CNTLN: variants seen among roughly 807,000 people sequenced by gnomAD.
CNTLN encodes centlein.
CNTLN carries 212 observed loss-of-function variants against 180.0 expected under a neutral mutation model. The observed-to-expected ratio is 1.18, with a 90% CI of 1.05 to 1.32. The LOEUF (loss-of-function observed/expected upper bound fraction) is 1.32. CNTLN is among the 40% of genes most tolerant of loss of function. CNTLN has a pLI of 0.00. For missense variants in CNTLN, 2,095 were observed against 1,610.9 expected (o/e 1.30, Z -5.14); for synonymous variants, 722 against 563.1 (o/e 1.28, Z -3.99).
At position 17,135,344 on chromosome 9, in the gene CNTLN, G is replaced by T. The variant is rs1255117941; in HGVS notation, c.279G>T (p.Ser93=). The change falls in exon 1 of 26, where the codon TCG becomes TCT. Residue 93 remains serine (S), a synonymous_variant. Transcript: ENST00000380647. ...GGTCCAGACGGCTAGAGGGCATCTCGGTAGAGGAGGCGATGGTGACCCGGA... is the reference window on the plus strand; with the variant it reads ...GGTCCAGACGGCTAGAGGGCATCTCTGTAGAGGAGGCGATGGTGACCCGGA... ...PMGSRRLEGI[S]VEEAMVTRTQ... 6 of 1,601,482 alleles carry T rather than the reference G, an allele frequency of 3.7e-6. No homozygotes were observed. The highest frequency in any genetic ancestry group is 4.3e-6 in the Non-Finnish European group (5 of 1,174,920).
intron 12 of CNTLN, among the ~76,000 whole-genome samples, chr9:17,354,576 C>A (rs1029014844): frequency 6.6e-6 from 1 of 152,122 alleles, no homozygotes; most frequent in African/African-American, 2.4e-5. Context: ...TCTGGTGGGG[C>A]CTTGGAGAAC....
At chr9:17,509,057 G>C in the CNTLN span, among the ~76,000 whole-genome samples, 1 of 152,232 alleles carries the variant, frequency 6.6e-6, no homozygotes, top group Non-Finnish European at 1.5e-5. Flanking sequence ...ATGCACGTCA[G>C]CTTCTTTCTC....
At chr9:17,223,255 A>T (rs1400571055) in intron 2 of CNTLN, among the ~76,000 whole-genome samples, 3 of 152,034 alleles carry the variant, frequency 2.0e-5, no homozygotes, top group African/African-American at 7.2e-5. Context: ...TTTGGATCAC[A>T]GTTGGCTGCT....
At chr9:17,270,020 T>C (rs867395519) in intron 5 of CNTLN, among the ~76,000 whole-genome samples, 1 of 152,186 alleles carries the variant, frequency 6.6e-6, no homozygotes, top group South Asian at 2.1e-4. Context: ...CTTGCTCAAC[T>C]CTAGCTCTAA....
At chr9:17,170,341 A>G (rs927022499) in intron 2 of CNTLN, among the ~76,000 whole-genome samples, 1 of 152,056 alleles carries the variant, frequency 6.6e-6, no homozygotes, top group African/African-American at 2.4e-5. Context: ...AGACAGTGGC[A>G]GTTTTACTTC....
At chr9:17,454,902 G>C (rs916142486) in intron 18 of CNTLN, among the ~76,000 whole-genome samples, 1 of 152,180 alleles carries the variant, frequency 6.6e-6, no homozygotes, top group African/African-American at 2.4e-5. Context: ...TTTGCTTGAA[G>C]ATGGAAAGGT....
At chr9:17,506,836 C>T (rs1160821854), downstream of CNTLN, among the ~76,000 whole-genome samples, 1 of 152,018 alleles carries the variant, frequency 6.6e-6, no homozygotes, top group Non-Finnish European at 1.5e-5. Context: ...TTTTTTTCCT[C>T]TTAAAAAATT....
intron 8 of CNTLN, among the ~76,000 whole-genome samples, chr9:17,318,527 T>C (rs1819688387): frequency 6.6e-6 from 1 of 152,192 alleles, no homozygotes; most frequent in South Asian, 2.1e-4. Context: ...AACTTTGATA[T>C]TGACTTATAT....
At chr9:17,181,163 A>T (rs1175887218) in intron 2 of CNTLN, among the ~76,000 whole-genome samples, 1 of 152,078 alleles carries the variant, frequency 6.6e-6, no homozygotes, top group Non-Finnish European at 1.5e-5. Context: ...TCTTCTACCT[A>T]GGCTCAGGTG....
intron 3 of CNTLN, among the ~76,000 whole-genome samples, chr9:17,232,837 G>A (rs773357802): frequency 3.3e-5 from 5 of 151,960 alleles, no homozygotes; most frequent in Non-Finnish European, 2.9e-5. Flanking sequence ...AGCTTTTATT[G>A]AGGAGGTGGA....
intron 2 of CNTLN, among the ~76,000 whole-genome samples, chr9:17,180,275 AATT>A (rs1821040053): frequency 7.1e-6 from 1 of 141,042 alleles, no homozygotes; most frequent in Non-Finnish European, 1.5e-5. Flanking sequence ...CGCATTTTAG[AATT>A]TCATTTTGAT....
At chr9:17,464,964 G>A (rs1349254100) in intron 21 of CNTLN, among the ~76,000 whole-genome samples, 1 of 150,968 alleles carries the variant, frequency 6.6e-6, no homozygotes, top group Non-Finnish European at 1.5e-5. Context: ...ATTTCTTAGT[G>A]AAAACTTGAT....
chr9:17,338,921 A>T (rs1409713598), intron 10 of CNTLN, among the ~76,000 whole-genome samples: 1 of 152,172 alleles, frequency 6.6e-6, no homozygotes, highest in Non-Finnish European at 1.5e-5. Context: ...CTCTTCATGT[A>T]TGGTTCTTAA....
chr9:17,421,711 A>AGT (rs1440230887), intron 18 of CNTLN, among the ~76,000 whole-genome samples: 1 of 152,024 alleles, frequency 6.6e-6, no homozygotes, highest in Non-Finnish European at 1.5e-5. Context: ...TTCATGCTTT[A>AGT]GTGTGTGTGT....
intron 1 of CNTLN, among the ~76,000 whole-genome samples, chr9:17,142,597 G>C (rs959403518): frequency 6.6e-6 from 1 of 151,994 alleles, no homozygotes; most frequent in Admixed American, 6.5e-5. Flanking sequence ...GTGTAGAGTT[G>C]GTACTTAAAA....
intron 2 of CNTLN, among the ~76,000 whole-genome samples, chr9:17,179,799 C>T (rs1821006257): frequency 6.6e-6 from 1 of 151,962 alleles, no homozygotes; most frequent in Admixed American, 6.6e-5. Flanking sequence ...TTATCTATTA[C>T]TCTTTTCAGT....
At chr9:17,176,391 T>C (rs1820721034) in intron 2 of CNTLN, among the ~76,000 whole-genome samples, 1 of 152,206 alleles carries the variant, frequency 6.6e-6, no homozygotes, top group African/African-American at 2.4e-5. Flanking sequence ...TATGGTGGAA[T>C]ACATGGATTT....
chr9:17,226,204 G>C lies in CNTLN; in HGVS notation c.451G>C (p.Glu151Gln). ...AAACTCTCTATATTTTATATCTAGAGAAAAACAGAAATCTGAAGCTAAAGA... is the reference window on the plus strand; with the variant it reads ...AAACTCTCTATATTTTATATCTAGACAAAAACAGAAATCTGAAGCTAAAGA... ...TQVVSLVVER[E>Q]KQKSEAKDRK... The change falls in exon 3 of 26, where the codon GAA becomes CAA. Residue 151 changes from glutamate to glutamine, a missense_variant and splice_region_variant. Transcript: ENST00000380647. 1 of 1,543,188 alleles carries C rather than the reference G, an allele frequency of 6.5e-7. No homozygotes were observed. The highest frequency in any genetic ancestry group is 1.2e-5 in the South Asian group (1 of 80,992).
At chr9:17,471,093 C>A (rs962592667) in intron 23 of CNTLN, among the ~76,000 whole-genome samples, 1 of 151,978 alleles carries the variant, frequency 6.6e-6, no homozygotes, top group Non-Finnish European at 1.5e-5. Context: ...AATAAAAATA[C>A]ATTTCCTTAT....
Sources: allele counts gnomAD v4.1 joint callset (sites outside exome capture counted in the v4.1 genomes callset), GRCh38; gene constraint gnomAD v4.1.1; transcripts MANE v1.5; gene names NCBI Gene and HGNC (gene_info 2026-07-23, HGNC 2026-07-21).